The following ANKS3 variants were observed in gnomAD, a reference collection of about 807,000 sequenced individuals.
ANKS3 encodes ankyrin repeat and SAM domain-containing protein 3.
Under a neutral mutation model 80.7 loss-of-function variants are expected in ANKS3, and 62 were observed. That is an observed-to-expected ratio of 0.77 (90% CI 0.63 to 0.95). The LOEUF (loss-of-function observed/expected upper bound fraction) is 0.95. Among genes scored for constraint, ANKS3 ranks in the 40% least tolerant of loss-of-function variants. ANKS3 has a pLI of 0.00. For missense variants in ANKS3, 1,150 were observed against 883.6 expected, an observed-to-expected ratio of 1.30 and a Z score of -3.82; for synonymous variants, 489 against 355.3, an observed-to-expected ratio of 1.38 and a Z score of -4.23.
rs1371152482 is a variant in ANKS3 at position 4,698,959 on chromosome 16, C to T, written c.1410-18G>A. 6.2e-7 allele frequency: 1 copy of T among 1,608,012 alleles called. No individual in the cohort carries two copies. Among genetic ancestry groups the T allele is most frequent in the South Asian group, 1.1e-5 (1 of 90,618 alleles). On this transcript the variant is annotated intron_variant, in intron 12 of 17. Transcript: ENST00000304283. Reference sequence around the variant, plus strand: ...CAAACAGCCTGCGGGGGGAATGTGACCAGGATATGCCTCAGCGTCCCAAGA... The same window carrying T: ...CAAACAGCCTGCGGGGGGAATGTGATCAGGATATGCCTCAGCGTCCCAAGA...
rs550654078 is a variant in ANKS3, at chr16:4,724,433, C to T, written c.573+317G>A. Among the ~76,000 whole-genome samples, 3 of 152,316 alleles carry T rather than the reference C, an allele frequency of 2.0e-5. No homozygotes were observed. The East Asian group carries it at 5.8e-4, about 29-fold the overall frequency. ...GGGAGGTTGAAAAAGAGAGGAGGAT[C>T]TCTGCCTTCTTATTCTATATAATTT... On this transcript the variant is annotated intron_variant, in intron 6 of 17. Coordinates refer to ENST00000304283, the MANE Select transcript of ANKS3 (RefSeq NM_133450.4).
intron 6 of ANKS3, among the ~76,000 whole-genome samples, chr16:4,719,824 T>A (rs2080994446): frequency 1.3e-5 from 2 of 151,696 alleles, no homozygotes; most frequent in Middle Eastern, 3.4e-3. Context: ...AATACAAAAA[T>A]AATTATTTGC....
intron 12 of ANKS3, 44 bp downstream of exon 12, chr16:4,699,008 C>A (rs914369052): frequency 1.9e-6 from 3 of 1,613,920 alleles, no homozygotes; most frequent in Non-Finnish European, 2.5e-6. Context: ...TGGGAGTTTG[C>A]CCCAACCCCG....
In ANKS3 at chr16:4,701,550, G is replaced by A. The variant is rs759146755; in HGVS notation, c.1010-7C>T. 6.2e-6 allele frequency: 10 copies of A among 1,605,136 alleles called. No individual in the cohort carries two copies. Among genetic ancestry groups the A allele is most frequent in the South Asian group, 3.3e-5 (3 of 90,658 alleles). ...GCACAGAAAGCATGTTCCTCTGAGGGCGGGAAGACAGGGCGTCCGCCTGCA... is the reference window on the plus strand; with the variant it reads ...GCACAGAAAGCATGTTCCTCTGAGGACGGGAAGACAGGGCGTCCGCCTGCA... On this transcript the variant is annotated splice_polypyrimidine_tract_variant and splice_region_variant and intron_variant, in intron 9 of 17. Coordinates refer to ENST00000304283, the MANE Select transcript of ANKS3 (RefSeq NM_133450.4).
rs983345156 is a variant in ANKS3, at chr16:4,696,669, G to C, written c.*239C>G. ...TGGGCCAGGGCAGCCCATGAACTCT[G>C]GGCCTCACCACGAGGTTCTGGGTGA... On this transcript the variant is annotated 3_prime_UTR_variant, in exon 18 of 18. Coordinates refer to ENST00000304283, the MANE Select transcript of ANKS3 (RefSeq NM_133450.4). 7 of 359,764 alleles carry C rather than the reference G, an allele frequency of 1.9e-5. No individual in the cohort carries two copies. Among genetic ancestry groups the C allele is most frequent in the Admixed American group, 1.7e-4 (4 of 24,228 alleles). The allele number at this position is 359,764 out of a possible 1,614,324, so 22.3% of individuals were successfully genotyped here.
intron 6 of ANKS3, among the ~76,000 whole-genome samples, chr16:4,724,144 TC>T (rs1221782014): frequency 1.3e-5 from 2 of 152,186 alleles, no homozygotes; most frequent in Non-Finnish European, 2.9e-5. Flanking sequence ...AAAAGGATAT[TC>T]CCGGAACACT....
At chr16:4,724,233 C>A (rs368587929) in intron 6 of ANKS3, among the ~76,000 whole-genome samples, 7 of 152,164 alleles carry the variant, frequency 4.6e-5, no homozygotes, top group East Asian at 3.8e-4. Context: ...AGATTGTACA[C>A]GGAATACTGT....
At position 4,698,821 on chromosome 16, in the gene ANKS3, C is replaced by A; in HGVS notation, c.1530G>T (p.Glu510Asp). ...YADRLEAEMQ[E>D]LAIQLHKRCE... Reference sequence around the variant, plus strand: ...TCACCTTGTGCAGCTGGATGGCGAGCTCCTGCATCTCAGCCTCCAGCCGGT... The same window carrying A: ...TCACCTTGTGCAGCTGGATGGCGAGATCCTGCATCTCAGCCTCCAGCCGGT... The change falls in exon 13 of 18, where the codon GAG (glutamate) becomes GAT (aspartate). Residue 510 changes from glutamate (E) to aspartate (D), a missense_variant. Coordinates refer to ENST00000304283, the MANE Select transcript of ANKS3 (RefSeq NM_133450.4). The A allele has an allele frequency of 6.2e-7, 1 of 1,607,418 alleles. No individual in the cohort carries two copies. The highest frequency in any genetic ancestry group is 1.1e-5 in the South Asian group (1 of 90,104).
chr16:4,714,193 A>T lies in ANKS3; in HGVS notation c.574-7T>A. ...TCGCGTCCACCTTGACTCCCTGTGA[A>T]TGTCCGTGAAAGGGGGTTAGGGGCC... On this transcript the variant is annotated splice_region_variant and splice_polypyrimidine_tract_variant and intron_variant, in intron 6 of 17. Transcript: ENST00000304283. 1 of 1,613,824 alleles carries T rather than the reference A, an allele frequency of 6.2e-7. No homozygotes were observed. The highest frequency in any genetic ancestry group is 8.5e-7 in the Non-Finnish European group (1 of 1,179,896).
At chr16:4,725,470 C>T (rs577283529) in intron 5 of ANKS3, among the ~76,000 whole-genome samples, 4 of 152,216 alleles carry the variant, frequency 2.6e-5, no homozygotes, top group South Asian at 2.1e-4. Context: ...AATCAACAGG[C>T]GAGTTGAATG....
chr16:4,702,097 C>T lies in ANKS3; in HGVS notation c.1009+5G>A, dbSNP rs1347982353. ...CACGGGCCGGATGGGTGGGGGTGCA[C>T]GTACCCCGACTGCTGCTGCTGCTGC... On this transcript the variant is annotated splice_donor_5th_base_variant and intron_variant, in intron 9 of 17. Transcript: ENST00000304283. The T allele has an allele frequency of 5.1e-6, 8 of 1,579,512 alleles. No individual in the cohort carries two copies. The highest frequency in any genetic ancestry group is 6.9e-6 in the Non-Finnish European group (8 of 1,167,766).
At chr16:4,699,669 T>TCC (rs1401560415) in intron 11 of ANKS3, 1 of 171,782 alleles carries the variant, frequency 5.8e-6, no homozygotes, top group Non-Finnish European at 1.3e-5. Context: ...GTTTCTGCTC[T>TCC]CCTTCTGGAA....
Position 4,711,672 on chromosome 16 carries a change from C to T in ANKS3, c.709+2379G>A, listed in dbSNP as rs183340415. Among the ~76,000 whole-genome samples the T allele has an allele frequency of 1.9e-3, 272 of 145,838 alleles. 1 individual carries two copies. The highest frequency in any genetic ancestry group is 6.5e-3 in the African/African-American group (255 of 39,250). ...GGCAGAGGTTGCGGTGAGTCAAGATCGAGCCACTGCACTCCAGCCTGGGGA... is the reference window on the plus strand; with the variant it reads ...GGCAGAGGTTGCGGTGAGTCAAGATTGAGCCACTGCACTCCAGCCTGGGGA... On this transcript the variant is annotated intron_variant, in intron 7 of 17. Transcript: ENST00000304283.
chr16:4,704,964 G>A, intron 8 of ANKS3, 131 bp downstream of exon 8: 1 of 1,208,658 alleles, frequency 8.3e-7, no homozygotes, highest in Non-Finnish European at 1.2e-6. Flanking sequence ...ATGAAAGCTG[G>A]GCCACCTGTC....
intron 3 of ANKS3, chr16:4,729,757 G>A (rs1384608986): frequency 2.6e-6 from 1 of 383,140 alleles, no homozygotes; most frequent in African/African-American, 2.1e-5. Context: ...CTGTTTATAA[G>A]CTTCTGATCA....
chr16:4,729,980 C>G lies in ANKS3; in HGVS notation c.170G>C (p.Arg57Pro). 6.7e-7 allele frequency: 1 copy of G among 1,492,340 alleles called. No homozygotes were observed. The highest frequency in any genetic ancestry group is 9.0e-7 in the Non-Finnish European group (1 of 1,110,068). 92.4% of individuals were successfully genotyped at this position (1,492,340 alleles called of 1,614,324 possible). A position where few individuals can be genotyped will look rare whatever the true frequency, so the allele number is the denominator to read the frequency against. The change falls in exon 3 of 18, where the codon CGG becomes CCG. Residue 57 changes from arginine to proline, a missense_variant and splice_region_variant. Coordinates refer to ENST00000304283, the MANE Select transcript of ANKS3 (RefSeq NM_133450.4). Reference protein sequence around the residue: ...QYEVVKECVQRRELDLNKKNG... With the variant: ...QYEVVKECVQPRELDLNKKNG... Reference sequence around the variant, plus strand: ...GAGGAAGTTCCCCGAGATCTCTTACCGCTGCACACACTCCTTCACCACTTC... The same window carrying G: ...GAGGAAGTTCCCCGAGATCTCTTACGGCTGCACACACTCCTTCACCACTTC...
At chr16:4,727,667 C>G (rs1314228831) in intron 3 of ANKS3, 2 of 176,544 alleles carry the variant, frequency 1.1e-5, no homozygotes, top group African/African-American at 4.7e-5. Flanking sequence ...TACTAGCCCA[C>G]TGCTGGGTGG....
chr16:4,700,771 G>A (rs780248113), intron 11 of ANKS3, 199 bp downstream of exon 11: 2 of 800,966 alleles, frequency 2.5e-6, no homozygotes, highest in Non-Finnish European at 4.4e-6. Flanking sequence ...CCGTGGAGAG[G>A]AACAGAGTAG....
chr16:4,701,568 C>G, intron 9 of ANKS3, 25 bp from the exon 10 acceptor site: 1 of 1,589,052 alleles, frequency 6.3e-7, no homozygotes, highest in Non-Finnish European at 8.6e-7. Context: ...ACAGGGCGTC[C>G]GCCTGCAGCC....
Sources: gnomAD v4.1 joint callset for allele counts (sites outside exome capture counted in the v4.1 genomes callset) on GRCh38, gnomAD v4.1.1 for gene constraint, MANE v1.5 for transcripts, NCBI Gene and HGNC (gene_info 2026-07-23, HGNC 2026-07-21) for gene names.